Variants in ABCB9 observed in about 807,000 individuals in gnomAD.
ABCB9 encodes ATP binding cassette subfamily B member 9.
Under a neutral mutation model 62.0 loss-of-function variants are expected in ABCB9, and 36 were observed. The ratio of observed to expected loss-of-function variants is 0.58; its 90% CI spans 0.45 to 0.77. The LOEUF (loss-of-function observed/expected upper bound fraction) is 0.77, where lower values mean the gene tolerates loss of function less well. Among genes scored for constraint, ABCB9 ranks in the 30% least tolerant of loss-of-function variants. The pLI is 0.00. For synonymous variants in ABCB9, 435 were observed against 461.4 expected, an observed-to-expected ratio of 0.94 and a Z score of 0.73; for missense variants, 943 against 1,054.7, an observed-to-expected ratio of 0.89 and a Z score of 1.47.
rs778838893 is a variant in ABCB9, at chr12:122,944,417, C to T, written c.1354G>A (p.Glu452Lys). 6.8e-6 allele frequency: 11 copies of T among 1,612,596 alleles called. No homozygotes were observed. Among genetic ancestry groups the T allele is most frequent in the African/African-American group, 1.3e-5 (1 of 74,878 alleles). The change falls in exon 7 of 12, where the codon GAG (glutamate) becomes AAG (lysine). Residue 452 changes from glutamate to lysine, a missense_variant. Physicochemically the swap from Glu to Lys is moderately conservative, Grantham distance 56. Transcript: ENST00000280560. This position sits in a 1 kb window ranked among gnomAD's most constrained non-coding sequence, Gnocchi z 4.9. Reference protein sequence around the residue: ...SGNLIAFIIYEFVLGDCMESV... With the variant: ...SGNLIAFIIYKFVLGDCMESV... ...TCCATACAATCTCCCAGGACAAACT[C>T]GTAGATGATGAAGGCGATGAGGTTG...
intron 11 of ABCB9, chr12:122,921,154 C>CGAGGTCAAGAGATTGAGA: frequency 9.3e-7 from 1 of 1,079,948 alleles, no homozygotes; most frequent in South Asian, 1.4e-5. Context: ...ATGGGGCACA[C>CGAGGTCAAGAGATTGAGA]CTGTAATCCC....
chr12:122,927,781 G>C (rs536490424), downstream of ABCB9, among the ~76,000 whole-genome samples: 19 of 152,282 alleles, frequency 1.2e-4, no homozygotes, highest in South Asian at 3.7e-3. Flanking sequence ...AGATGCACAG[G>C]CTGGAGACCA....
At chr12:122,973,829 C>A (rs1387593250) in intron 1 of ABCB9, among the ~76,000 whole-genome samples, 1 of 152,076 alleles carries the variant, frequency 6.6e-6, no homozygotes, top group African/African-American at 2.4e-5. Flanking sequence ...CCACTGCACT[C>A]CAGCCTGGGC....
Position 122,929,425 on chromosome 12 carries a change from C to T in ABCB9, c.*486G>A. ...AAAATCCCGTTCCCCGTGTCTCCCT[C>T]CGGGACAGGGAAGCCCCTTCTCTGG... On this transcript the variant is annotated 3_prime_UTR_variant, in exon 12 of 12. Transcript: ENST00000280560. This position sits in a 1 kb window ranked among gnomAD's most constrained non-coding sequence, Gnocchi z 6.0. 1 of 987,268 alleles carries T rather than the reference C, an allele frequency of 1.0e-6. No homozygotes were observed. The highest frequency in any genetic ancestry group is 1.2e-6 in the Non-Finnish European group (1 of 830,978). 61.2% of individuals were successfully genotyped at this position (987,268 alleles called of 1,614,324 possible). A position where few individuals can be genotyped will look rare whatever the true frequency, so the allele number is the denominator to read the frequency against.
intron 10 of ABCB9, among the ~76,000 whole-genome samples, chr12:122,934,385 T>C (rs2035351514): frequency 1.3e-5 from 2 of 152,032 alleles, no homozygotes; most frequent in Non-Finnish European, 1.5e-5. Flanking sequence ...AAGGGGCTAT[T>C]CGTGTGGTTC....
rs77571044 is a variant in ABCB9 at position 122,965,729 on chromosome 12, C to CTT, written c.-88+556_-88+557dup. On this transcript the variant is annotated intron_variant, in intron 1 of 11. Transcript: ENST00000280560. ...GTTAATGTCAGGCCGGGGGAGGAGG[C>CTT]TTTTTTTTTTTTTCCAGAGGCCCAG... Among the ~76,000 whole-genome samples, 24 of 144,034 alleles carry CTT rather than the reference C, an allele frequency of 1.7e-4. 1 individual carries two copies. The South Asian group carries it at 4.1e-3, about 25-fold the overall frequency. The allele number at this position is 144,034 out of a possible 152,430, so 94.5% of individuals were successfully genotyped here.
At position 122,930,701 on chromosome 12, in the gene ABCB9, G is replaced by A. The variant is rs1268566567; in HGVS notation, c.2041-530C>T. Among the ~76,000 whole-genome samples, 1 of 151,832 alleles carries A rather than the reference G, an allele frequency of 6.6e-6. No homozygotes were observed. The highest frequency in any genetic ancestry group is 1.5e-5 in the Non-Finnish European group (1 of 67,952). On this transcript the variant is annotated intron_variant, in intron 11 of 11. Transcript: ENST00000280560. The surrounding 1 kb of genome is among the most constrained non-coding windows in gnomAD (Gnocchi z 4.9). ...TGGGATTACAGGTGTGAGCCACCGC[G>A]CCTGGCCTTCCTTGTTTCTTATCTG...
downstream of ABCB9, chr12:122,924,465 A>G: frequency 2.0e-6 from 1 of 508,146 alleles, no homozygotes; most frequent in South Asian, 3.5e-5. Flanking sequence ...CGTGGACTCA[A>G]GTGATCCTCC....
At chr12:122,950,155 C>T (rs1317839292) in intron 3 of ABCB9, among the ~76,000 whole-genome samples, 1 of 152,202 alleles carries the variant, frequency 6.6e-6, no homozygotes, top group Non-Finnish European at 1.5e-5. Flanking sequence ...CCTTCCAGAA[C>T]AGCTCAGACA....
intron 4 of ABCB9, 70 bp from the exon 5 acceptor site, chr12:122,948,899 G>C (rs1005393657): frequency 7.3e-7 from 1 of 1,368,414 alleles, no homozygotes; most frequent in Non-Finnish European, 9.6e-7. Context: ...GGGATGCTAA[G>C]GGGCCTCTGA....
exon 1 of ABCB9, chr12:122,974,796 C>T (rs2037357317): frequency 6.5e-6 from 1 of 154,264 alleles, no homozygotes; most frequent in Non-Finnish European, 1.4e-5. Flanking sequence ...ATGCTAAATC[C>T]AAACTGAAAC....
At position 122,940,193 on chromosome 12, in the gene ABCB9, T is replaced by C. The variant is rs747320759; in HGVS notation, c.1661A>G (p.Asn554Ser). ...CCGGCCCCCCTCCAGGGGGTAGAAG[T>C]TCTCCAGGATGTTGACACAGGAGCT... Reference protein sequence around the residue: ...GKSSCVNILENFYPLEGGRVL... With the variant: ...GKSSCVNILESFYPLEGGRVL... Residue 554 changes from asparagine (N) to serine (S), a missense_variant, in exon 9 of 12, where the codon AAC becomes AGC. Physicochemically the swap from Asn to Ser is conservative, Grantham distance 46. Transcript: ENST00000280560. The surrounding 1 kb of genome is among the most constrained non-coding windows in gnomAD (Gnocchi z 4.8). 6.2e-7 allele frequency: 1 copy of C among 1,613,508 alleles called. No homozygotes were observed.
Position 122,937,690 on chromosome 12 carries a change from C to T in ABCB9, c.1744-2259G>A, listed in dbSNP as rs534455878. ...AACAATCTACCTCTGGTTACATGCACATGGTGTGGGCAGATTTCACAACCC... is the reference window on the plus strand; with the variant it reads ...AACAATCTACCTCTGGTTACATGCATATGGTGTGGGCAGATTTCACAACCC... On this transcript the variant is annotated intron_variant, in intron 9 of 11. Coordinates refer to ENST00000280560, the MANE Select transcript of ABCB9 (RefSeq NM_019625.4). Among the ~76,000 whole-genome samples the T allele has an allele frequency of 6.6e-5, 10 of 152,354 alleles. No homozygotes were observed. In the South Asian group the frequency reaches 1.9e-3, roughly 28 times the overall value.
rs2036036630 is a variant in ABCB9 at position 122,946,165 on chromosome 12, T to C, written c.1111A>G (p.Thr371Ala). The C allele has an allele frequency of 1.2e-6, 2 of 1,613,994 alleles. No individual in the cohort carries two copies. Among genetic ancestry groups the C allele is most frequent in the Non-Finnish European group, 1.7e-6 (2 of 1,180,032 alleles). ...CGGACAGTCTTCATGGCACTGATGG[T>C]CTCCTCCGCCGTGTTGCTCGCTCTG... ...LARASNTAEE[T>A]ISAMKTVRSF... The change falls in exon 6 of 12, where the codon ACC becomes GCC. Residue 371 changes from threonine (T) to alanine (A), a missense_variant. Coordinates refer to ENST00000280560, the MANE Select transcript of ABCB9 (RefSeq NM_019625.4).
intron 1 of ABCB9, among the ~76,000 whole-genome samples, chr12:122,973,578 G>GCAAAAAAAAA (rs2037316103): frequency 2.0e-5 from 1 of 50,338 alleles, no homozygotes; most frequent in East Asian, 7.1e-4. Flanking sequence ...CTCAAAAAAA[G>GCAAAAAAAAA]AAAAAAAAAA....
rs2035931462 is a variant in ABCB9 at position 122,944,501 on chromosome 12, G to A, written c.1270C>T (p.Gln424Ter). The A allele has an allele frequency of 1.2e-6, 2 of 1,613,814 alleles. No individual in the cohort carries two copies. The highest frequency in any genetic ancestry group is 1.7e-5 in the Admixed American group (1 of 60,006). The change falls in exon 7 of 12, where the codon CAG becomes TAG. Residue 424 changes from glutamine (Q) to a stop codon, truncating the protein, a stop_gained. Transcript: ENST00000280560. LOFTEE classifies it high-confidence loss of function. The surrounding 1 kb of genome is among the most constrained non-coding windows in gnomAD (Gnocchi z 4.9). ...WGSGLTLLVVQVSILYYGGHL... is the reference protein window; with the variant it reads ...WGSGLTLLVV Reference sequence around the variant, plus strand: ...CCCCCGTAGTAGAGGATGCTGACCTGGACCACCAGCAGTGTGAGCTGGGGC... The same window carrying A: ...CCCCCGTAGTAGAGGATGCTGACCTAGACCACCAGCAGTGTGAGCTGGGGC...
rs1416265622 is a variant in ABCB9, at chr12:122,921,053, T to TA, written c.2041-11dup. 4 of 1,535,230 alleles carry TA rather than the reference T, an allele frequency of 2.6e-6. No individual in the cohort carries two copies. The African/African-American group carries it at 5.5e-5, about 21-fold the overall frequency. Reference sequence around the variant, plus strand: ...GGCTGGTCATTCAGATCTAAGAAGATAATAAATATGCTTGCTAAATGTCAA... The same window carrying TA: ...GGCTGGTCATTCAGATCTAAGAAGATAAATAAATATGCTTGCTAAATGTCAA... On this transcript the variant is annotated splice_polypyrimidine_tract_variant and intron_variant, in intron 11 of 11. Coordinates refer to the ABCB9 transcript ENST00000344275.
chr12:122,940,418 C>T lies in ABCB9; in HGVS notation c.1570-134G>A, dbSNP rs1312881620. The T allele has an allele frequency of 1.9e-6, 2 of 1,039,404 alleles. No individual in the cohort carries two copies. The highest frequency in any genetic ancestry group is 1.7e-5 in the South Asian group (1 of 57,732). 64.4% of individuals were successfully genotyped at this position (1,039,404 alleles called of 1,614,324 possible). A position where few individuals can be genotyped will look rare whatever the true frequency, so the allele number is the denominator to read the frequency against. ...TCTCCCTCGCTTGGGCACTGCTGGC[C>T]CCTAAACGTTCTTTCTAAGACACTA... On this transcript the variant is annotated intron_variant, in intron 8 of 11. Coordinates refer to ENST00000280560, the MANE Select transcript of ABCB9 (RefSeq NM_019625.4). The surrounding 1 kb of genome is among the most constrained non-coding windows in gnomAD (Gnocchi z 4.8).
intron 10 of ABCB9, 102 bp downstream of exon 10, chr12:122,935,170 A>G (rs972691111): frequency 3.8e-6 from 5 of 1,325,600 alleles, no homozygotes; most frequent in South Asian, 1.6e-5. Context: ...CCATCTCTAC[A>G]AAAAAAAGAG....
Sources: gnomAD v4.1 joint callset for allele counts (sites outside exome capture counted in the v4.1 genomes callset) on GRCh38, gnomAD v4.1.1 for gene constraint, Gnocchi (gnomAD v3.1) non-coding constraint, MANE v1.5 for transcripts, NCBI Gene and HGNC (gene_info 2026-07-23, HGNC 2026-07-21) for gene names.